Variants in ZMAT4 observed in about 807,000 individuals in gnomAD.
ZMAT4 encodes zinc finger matrin-type 4.
ZMAT4 carries 17 observed loss-of-function variants against 28.7 expected under a neutral mutation model. The ratio of observed to expected loss-of-function variants is 0.59; its 90% CI spans 0.41 to 0.89. The LOEUF (loss-of-function observed/expected upper bound fraction) is 0.89, where lower values mean the gene tolerates loss of function less well. ZMAT4 is among the 40% of genes least tolerant of loss of function. The pLI, the probability that ZMAT4 is intolerant of heterozygous loss-of-function variation, is 0.00. For missense variants in ZMAT4, 240 were observed against 283.8 expected (o/e 0.85, Z 1.11); for synonymous variants, 117 against 109.2 (o/e 1.07, Z -0.44).
Position 40,532,132 on chromosome 8 carries a change from A to G in ZMAT4, c.*91T>C. The G allele has an allele frequency of 7.9e-7, 1 of 1,266,552 alleles. No homozygotes were observed. The highest frequency in any genetic ancestry group is 1.1e-6 in the Non-Finnish European group (1 of 934,232). 78.5% of individuals were successfully genotyped at this position (1,266,552 alleles called of 1,614,324 possible). On this transcript the variant is annotated 3_prime_UTR_variant, in exon 7 of 7. Coordinates refer to ENST00000297737, the MANE Select transcript of ZMAT4 (RefSeq NM_024645.3). ...TCCTTATAAGAAATGTTTATTGTTC[A>G]AGAAAGAAGCCTCCTCTGGTGGTTG...
chr8:40,888,749 C>T (rs1818561013), intron 1 of ZMAT4, among the ~76,000 whole-genome samples: 1 of 152,242 alleles, frequency 6.6e-6, no homozygotes, highest in Admixed American at 6.5e-5. Flanking sequence ...TGCGACACTC[C>T]ATCAGGAGGA....
chr8:40,756,381 C>G (rs1812680105), intron 3 of ZMAT4, among the ~76,000 whole-genome samples: 1 of 140,798 alleles, frequency 7.1e-6, no homozygotes, highest in African/African-American at 2.7e-5. Flanking sequence ...ATTATAAATG[C>G]ACACATGTTT....
chr8:40,881,499 G>GAAAGAAAGAA (rs1413051640), intron 1 of ZMAT4, among the ~76,000 whole-genome samples: 6 of 129,630 alleles, frequency 4.6e-5, no homozygotes, highest in Non-Finnish European at 9.8e-5. Flanking sequence ...AAGAAAGAAA[G>GAAAGAAAGAA]AGGAAGGAAG....
chr8:40,803,115 A>T (rs1483356469), intron 2 of ZMAT4, among the ~76,000 whole-genome samples: 1 of 152,182 alleles, frequency 6.6e-6, no homozygotes, highest in Non-Finnish European at 1.5e-5. Context: ...ACAACTATGA[A>T]ATTTCTAGAA....
chr8:40,794,985 G>GATGC (rs1300257518), intron 2 of ZMAT4, among the ~76,000 whole-genome samples: 1 of 152,128 alleles, frequency 6.6e-6, no homozygotes, highest in African/African-American at 2.4e-5. Context: ...GAGGGTGACA[G>GATGC]ATGCAGAAAC....
chr8:40,771,261 C>G (rs1016677586), intron 2 of ZMAT4, among the ~76,000 whole-genome samples: 6 of 150,044 alleles, frequency 4.0e-5, no homozygotes. Flanking sequence ...AAGAAAAATG[C>G]TAAACTCAAA....
chr8:40,667,773 G>T (rs1808485044), intron 5 of ZMAT4, among the ~76,000 whole-genome samples: 1 of 148,292 alleles, frequency 6.7e-6, no homozygotes, highest in Admixed American at 6.9e-5. Context: ...TATGGATGGA[G>T]ATCTTCAGAT....
Position 40,796,424 on chromosome 8 carries a change from T to C in ZMAT4, c.103-28694A>G, listed in dbSNP as rs574632099. Among the ~76,000 whole-genome samples, 4 of 152,182 alleles carry C rather than the reference T, an allele frequency of 2.6e-5. No individual in the cohort carries two copies. The East Asian group carries it at 5.8e-4, about 22-fold the overall frequency. ...ATGTCAGGGTGCTTCTTTTTGTGTA[T>C]TTAGCAGAGGAGGAGAAAAGCACTT... On this transcript the variant is annotated intron_variant, in intron 2 of 6. Coordinates refer to ENST00000297737, the MANE Select transcript of ZMAT4 (RefSeq NM_024645.3).
intron 3 of ZMAT4, among the ~76,000 whole-genome samples, chr8:40,732,927 C>T (rs1811606896): frequency 7.6e-6 from 1 of 131,188 alleles, no homozygotes; most frequent in Non-Finnish European, 1.5e-5. Flanking sequence ...CTTACTGCAT[C>T]TTCGAACTCC....
At chr8:40,717,074 T>C (rs1810888806) in intron 3 of ZMAT4, among the ~76,000 whole-genome samples, 1 of 152,210 alleles carries the variant, frequency 6.6e-6, no homozygotes, top group Non-Finnish European at 1.5e-5. Flanking sequence ...AAACATGTTG[T>C]ATCTCGTCTA....
At chr8:40,777,662 A>G (rs1213948435) in intron 2 of ZMAT4, among the ~76,000 whole-genome samples, 1 of 152,196 alleles carries the variant, frequency 6.6e-6, no homozygotes, top group Non-Finnish European at 1.5e-5. Context: ...GGCCACAGAG[A>G]GATCACATGT....
intron 5 of ZMAT4, among the ~76,000 whole-genome samples, chr8:40,595,563 T>C (rs886989530): frequency 5.3e-5 from 8 of 152,330 alleles, no homozygotes; most frequent in African/African-American, 1.9e-4. Flanking sequence ...TACAAAAATA[T>C]ACAGATGCTA....
At chr8:40,542,145 T>C (rs971219031) in intron 6 of ZMAT4, among the ~76,000 whole-genome samples, 1 of 151,894 alleles carries the variant, frequency 6.6e-6, no homozygotes, top group Non-Finnish European at 1.5e-5. Flanking sequence ...GCACTGTATG[T>C]GGTAGGTTGC....
At chr8:40,820,580 ATGTG>A (rs1435033347) in intron 2 of ZMAT4, among the ~76,000 whole-genome samples, 2 of 102,962 alleles carry the variant, frequency 1.9e-5, no homozygotes, top group Non-Finnish European at 4.0e-5. Flanking sequence ...TTTGGTGTTT[ATGTG>A]TGTATCTGTA....
intron 1 of ZMAT4, among the ~76,000 whole-genome samples, chr8:40,854,446 C>T (rs915747086): frequency 6.6e-6 from 1 of 152,076 alleles, no homozygotes; most frequent in South Asian, 2.1e-4. Flanking sequence ...AAAACAGCTC[C>T]GAGGAATATA....
Position 40,766,881 on chromosome 8 carries a change from T to C in ZMAT4, c.192+760A>G, listed in dbSNP as rs548707006. Among the ~76,000 whole-genome samples, 20 of 152,292 alleles carry C rather than the reference T, an allele frequency of 1.3e-4. No homozygotes were observed. The East Asian group carries it at 3.7e-3, about 28-fold the overall frequency. Reference sequence around the variant, plus strand: ...GAAAACAAGATCACAAGCACACGGATGGTGTGGGGTATAAATTCTACGCCT... The same window carrying C: ...GAAAACAAGATCACAAGCACACGGACGGTGTGGGGTATAAATTCTACGCCT... On this transcript the variant is annotated intron_variant, in intron 3 of 6. Transcript: ENST00000297737.
chr8:40,851,271 T>A (rs1392727365), intron 1 of ZMAT4, among the ~76,000 whole-genome samples: 1 of 152,204 alleles, frequency 6.6e-6, no homozygotes, highest in African/African-American at 2.4e-5. Context: ...GAGATTGCAG[T>A]GAGCCAAGAT....
intron 1 of ZMAT4, among the ~76,000 whole-genome samples, chr8:40,827,694 C>T (rs1427937575): frequency 1.3e-5 from 2 of 152,170 alleles, no homozygotes; most frequent in Non-Finnish European, 1.5e-5. Flanking sequence ...CACTGTGTCT[C>T]ATGGTTGATA....
intron 1 of ZMAT4, among the ~76,000 whole-genome samples, chr8:40,887,031 C>T (rs1008331265): frequency 2.0e-5 from 3 of 151,566 alleles, no homozygotes; most frequent in South Asian, 4.2e-4. Context: ...ATTAACCTGG[C>T]GTGGTGGCGG....
Sources: allele counts gnomAD v4.1 joint callset (sites outside exome capture counted in the v4.1 genomes callset), GRCh38; gene constraint gnomAD v4.1.1; transcripts MANE v1.5; gene names NCBI Gene and HGNC (gene_info 2026-07-23, HGNC 2026-07-21).